Variants in PTPRE observed in about 807,000 individuals in gnomAD.
PTPRE encodes protein tyrosine phosphatase receptor type E.
Under a neutral mutation model 102.0 loss-of-function variants are expected in PTPRE, and 51 were observed. That is an observed-to-expected ratio of 0.50 (90% confidence interval 0.40 to 0.63). The LOEUF (loss-of-function observed/expected upper bound fraction) is 0.63. Among genes scored for constraint, PTPRE ranks in the 30% least tolerant of loss-of-function variants. The pLI is 0.00. For synonymous variants in PTPRE, 345 were observed against 348.2 expected (o/e 0.99, Z 0.10); for missense variants, 752 against 915.1 (o/e 0.82, Z 2.30).
chr10:127,980,671 G>A (rs1851539349), intron 1 of PTPRE, among the ~76,000 whole-genome samples: 3 of 152,148 alleles, frequency 2.0e-5, no homozygotes, highest in South Asian at 2.1e-4. Context: ...TTAGTTACCA[G>A]AAGTATTTTT....
intron 2 of PTPRE, among the ~76,000 whole-genome samples, chr10:127,997,319 G>A (rs557919475): frequency 3.7e-4 from 57 of 152,296 alleles, no homozygotes; most frequent in African/African-American, 1.3e-3. Flanking sequence ...AAGTTATGGC[G>A]TCCACATGCT....
chr10:127,958,744 A>AAG (rs1849577915), intron 1 of PTPRE, among the ~76,000 whole-genome samples: 1 of 152,072 alleles, frequency 6.6e-6, no homozygotes, highest in South Asian at 2.1e-4. Flanking sequence ...TATCTTTTGG[A>AAG]AGAGATCATA....
At chr10:128,058,641 A>C (rs1849223298) in intron 7 of PTPRE, among the ~76,000 whole-genome samples, 1 of 152,166 alleles carries the variant, frequency 6.6e-6, no homozygotes, top group South Asian at 2.1e-4. Flanking sequence ...TTGGGCAGGG[A>C]GCTCTCAGGG....
chr10:127,943,856 T>C (rs1269565006), intron 1 of PTPRE, among the ~76,000 whole-genome samples: 1 of 152,180 alleles, frequency 6.6e-6, no homozygotes, highest in Non-Finnish European at 1.5e-5. Flanking sequence ...CAGACTGGAA[T>C]GACCGTGCCC....
intron 2 of PTPRE, among the ~76,000 whole-genome samples, chr10:127,984,699 C>T (rs187241665): frequency 8.5e-5 from 13 of 152,264 alleles, no homozygotes; most frequent in East Asian, 5.8e-4. Context: ...ATAAGTCTCA[C>T]GAGATCTGAT....
chr10:127,987,464 T>G (rs1053979402), intron 2 of PTPRE: 22 of 724,232 alleles, frequency 3.0e-5, no homozygotes, highest in Non-Finnish European at 4.1e-5. Context: ...CTAATATAAT[T>G]TCTAAAGTAC....
Position 128,085,148 on chromosome 10 carries a change from C to T in PTPRE, c.*2242C>T, listed in dbSNP as rs74159175. Reference sequence around the variant, plus strand: ...GTCCGGGACAGCGTTCGCCCTTTAGCGGGGAGGTCATTACAGCCTCATGGC... The same window carrying T: ...GTCCGGGACAGCGTTCGCCCTTTAGTGGGGAGGTCATTACAGCCTCATGGC... On this transcript the variant is annotated 3_prime_UTR_variant, in exon 21 of 21. Transcript: ENST00000254667. 2,064 of 455,776 alleles carry T rather than the reference C, an allele frequency of 4.5e-3. 39 individuals carry two copies. The highest frequency in any genetic ancestry group is 0.038 in the African/African-American group (1,894 of 50,154). 28.2% of individuals were successfully genotyped at this position (455,776 alleles called of 1,614,324 possible).
chr10:128,027,388 G>A (rs1846361323), intron 2 of PTPRE, among the ~76,000 whole-genome samples: 1 of 152,176 alleles, frequency 6.6e-6, no homozygotes, highest in Admixed American at 6.5e-5. Context: ...CCAGAATTCA[G>A]CCCCTACTGA....
At chr10:128,020,260 C>T (rs1401099188) in intron 2 of PTPRE, among the ~76,000 whole-genome samples, 1 of 152,216 alleles carries the variant, frequency 6.6e-6, no homozygotes, top group Non-Finnish European at 1.5e-5. Flanking sequence ...ACACATTGTC[C>T]ATTTGAACAG....
intron 15 of PTPRE, chr10:128,071,804 C>T (rs544651971): frequency 4.6e-4 from 95 of 207,668 alleles, no homozygotes; most frequent in Admixed American, 2.4e-3. Flanking sequence ...TCTGGGGCCC[C>T]GGTGTCCTGC....
chr10:128,023,358 A>G (rs1157456676), intron 2 of PTPRE, among the ~76,000 whole-genome samples: 3 of 152,158 alleles, frequency 2.0e-5, no homozygotes, highest in African/African-American at 7.2e-5. Context: ...GATAGTATAT[A>G]TACATAGTAC....
chr10:127,930,743 C>T (rs1847368188), intron 1 of PTPRE, among the ~76,000 whole-genome samples: 2 of 152,008 alleles, frequency 1.3e-5, no homozygotes, highest in Non-Finnish European at 1.5e-5. Context: ...AGTTGCTCTG[C>T]ATCTTTGCCA....
intron 2 of PTPRE, among the ~76,000 whole-genome samples, chr10:127,983,135 G>A (rs2135470461): frequency 6.6e-6 from 1 of 152,258 alleles, no homozygotes; most frequent in Non-Finnish European, 1.5e-5. Context: ...ATTGTTCCCT[G>A]GCTGGCCCTC....
At chr10:128,061,101 T>C (rs1283550569) in intron 8 of PTPRE, 86 bp downstream of exon 8, 1 of 1,359,780 alleles carries the variant, frequency 7.4e-7, no homozygotes, top group South Asian at 1.2e-5. Flanking sequence ...GGAGTGTAAA[T>C]TGTCACAACC....
intron 2 of PTPRE, among the ~76,000 whole-genome samples, chr10:127,990,558 G>A (rs1160583582): frequency 6.6e-6 from 1 of 152,154 alleles, no homozygotes; most frequent in East Asian, 1.9e-4. Context: ...AAGACCTAGA[G>A]TTCTATGCTC....
chr10:128,024,895 C>T (rs1202638016), intron 2 of PTPRE, among the ~76,000 whole-genome samples: 4 of 152,158 alleles, frequency 2.6e-5, no homozygotes, highest in African/African-American at 9.7e-5. Flanking sequence ...GTGGCTCACA[C>T]CTATATTTCC....
chr10:127,988,159 G>A (rs956617038), intron 2 of PTPRE, among the ~76,000 whole-genome samples: 3 of 152,204 alleles, frequency 2.0e-5, no homozygotes, highest in South Asian at 2.1e-4. Context: ...TGCAAGGGCC[G>A]TGGGTGGACC....
chr10:128,070,151 G>A lies in PTPRE; in HGVS notation c.1144-150G>A, dbSNP rs559311300. The A allele has an allele frequency of 8.0e-5, 74 of 922,704 alleles. 1 individual carries two copies. In the African/African-American group the frequency reaches 8.6e-4, roughly 11 times the overall value. 57.2% of individuals were successfully genotyped at this position (922,704 alleles called of 1,614,324 possible). A position where few individuals can be genotyped will look rare whatever the true frequency, so the allele number is the denominator to read the frequency against. On this transcript the variant is annotated intron_variant, in intron 13 of 20. Transcript: ENST00000254667. This position sits in a 1 kb window ranked among gnomAD's most constrained non-coding sequence, Gnocchi z 4.8. ...TCAAGGGCATAAATGGTCGTTATCC[G>A]TGGCCGGTACTCTGACTCTTGCCTC...
chr10:127,946,851 T>G (rs1848658442), intron 1 of PTPRE, among the ~76,000 whole-genome samples: 1 of 151,982 alleles, frequency 6.6e-6, no homozygotes, highest in Non-Finnish European at 1.5e-5. Flanking sequence ...CTGGGCAACA[T>G]CGTGAGACCC....
Sources: gnomAD v4.1 joint callset for allele counts (sites outside exome capture counted in the v4.1 genomes callset) on GRCh38, gnomAD v4.1.1 for gene constraint, Gnocchi (gnomAD v3.1) non-coding constraint, MANE v1.5 for transcripts, NCBI Gene and HGNC (gene_info 2026-07-23, HGNC 2026-07-21) for gene names.